Variants in SAMD4A observed in about 807,000 individuals in gnomAD.
SAMD4A encodes protein Smaug homolog 1.
SAMD4A carries 33 observed loss-of-function variants against 81.3 expected under a neutral mutation model. The observed-to-expected ratio is 0.41, with a 90% CI of 0.31 to 0.54. The LOEUF is 0.54. SAMD4A is among the 20% of genes least tolerant of loss of function. SAMD4A has a pLI of 0.37. For synonymous variants in SAMD4A, 389 were observed against 382.1 expected (o/e 1.02, Z -0.21); for missense variants, 854 against 951.1 (o/e 0.90, Z 1.34).
At chr14:54,766,419 T>A (rs2038545016) in intron 8 of SAMD4A, among the ~76,000 whole-genome samples, 1 of 152,106 alleles carries the variant, frequency 6.6e-6, no homozygotes. Context: ...ACAGCCATGA[T>A]GAGAAAGCCT....
chr14:54,574,314 G>GCTCTCCTT (rs2033222454), intron 2 of SAMD4A, among the ~76,000 whole-genome samples: 1 of 152,226 alleles, frequency 6.6e-6, no homozygotes, highest in Admixed American at 6.5e-5. Flanking sequence ...GAACAGCGTG[G>GCTCTCCTT]ATTGGGCAGT....
chr14:54,567,719 C>A lies in SAMD4A; in HGVS notation c.-198C>A. 1 of 559,408 alleles carries A rather than the reference C, an allele frequency of 1.8e-6. No individual in the cohort carries two copies. Among genetic ancestry groups the A allele is most frequent in the Non-Finnish European group, 3.1e-6 (1 of 324,108 alleles). 34.7% of individuals were successfully genotyped at this position (559,408 alleles called of 1,614,324 possible). On this transcript the variant is annotated 5_prime_UTR_variant, in exon 2 of 13. Transcript: ENST00000554335. ...TGTCATCGTCTCTGGGGAAATCAGC[C>A]AGAACCACCGGAACGTAACTGAAAC...
chr14:54,589,984 C>T (rs2033730177), intron 2 of SAMD4A, among the ~76,000 whole-genome samples: 1 of 152,138 alleles, frequency 6.6e-6, no homozygotes, highest in African/African-American at 2.4e-5. Flanking sequence ...ATCTGTTTAT[C>T]ATCCAAACCG....
At chr14:54,664,286 T>G (rs1035338859) in intron 2 of SAMD4A, among the ~76,000 whole-genome samples, 4 of 152,182 alleles carry the variant, frequency 2.6e-5, no homozygotes, top group African/African-American at 9.7e-5. Flanking sequence ...TCTTCAAAGA[T>G]AAGGCATGGC....
chr14:54,594,240 A>T (rs941555156), intron 2 of SAMD4A, among the ~76,000 whole-genome samples: 1 of 152,130 alleles, frequency 6.6e-6, no homozygotes, highest in Non-Finnish European at 1.5e-5. Context: ...AGTGTATATT[A>T]TCTGCATAAG....
chr14:54,637,268 C>T (rs143473367), intron 2 of SAMD4A, among the ~76,000 whole-genome samples: 31 of 147,866 alleles, frequency 2.1e-4, no homozygotes, highest in Admixed American at 1.2e-3. Flanking sequence ...GGGTGGCTGT[C>T]GCAGGAGGAT....
chr14:54,687,643 C>A lies in SAMD4A; in HGVS notation c.197-14419C>A, dbSNP rs752389279. On this transcript the variant is annotated intron_variant, in intron 2 of 12. Coordinates refer to ENST00000554335, the MANE Select transcript of SAMD4A (RefSeq NM_015589.6). ...AACTTTCTATAAAAGGCAGCCAGGT[C>A]CCCTGGACAAGGGGTCAGGAAGCTT... Among the ~76,000 whole-genome samples the A allele has an allele frequency of 1.9e-3, 289 of 152,142 alleles. 2 individuals carry two copies. The highest frequency in any genetic ancestry group is 2.1e-3 in the Non-Finnish European group (143 of 67,980).
At chr14:54,714,826 T>G (rs945734275) in intron 3 of SAMD4A, among the ~76,000 whole-genome samples, 1 of 152,168 alleles carries the variant, frequency 6.6e-6, no homozygotes, top group African/African-American at 2.4e-5. Flanking sequence ...GGGGAAGCCC[T>G]ATGACAAAGC....
rs113491666 is a variant in SAMD4A at position 54,626,059 on chromosome 14, T to TGCGCGC, written c.196+57959_196+57964dup. ...GTGTGTGTGTGTGTGTGTGTGTGTG[T>TGCGCGC]GCGCGCGCGCGCGCGCGAGTGCGCA... On this transcript the variant is annotated intron_variant, in intron 2 of 12. Coordinates refer to ENST00000554335, the MANE Select transcript of SAMD4A (RefSeq NM_015589.6). 1.9e-3 allele frequency among the ~76,000 whole-genome samples: 196 copies of TGCGCGC among 102,100 alleles called. 1 individual carries two copies. The highest frequency in any genetic ancestry group is 5.1e-3 in the East Asian group (19 of 3,692). The allele number at this position is 102,100 out of a possible 152,430, so 67.0% of individuals were successfully genotyped here.
intron 3 of SAMD4A, among the ~76,000 whole-genome samples, chr14:54,733,730 A>G (rs1566609832): frequency 1.3e-5 from 2 of 152,152 alleles, no homozygotes; most frequent in African/African-American, 4.8e-5. Flanking sequence ...AAGCAAGAAC[A>G]TCTAGAAGCC....
chr14:54,567,137 T>G lies in SAMD4A; in HGVS notation c.-623T>G, dbSNP rs1301125470. ...ACCCCCGCGCCCCTTCGCAGCCGCATTGCAAGTTTTCTGCGCGGGGAAGAT... is the reference window on the plus strand; with the variant it reads ...ACCCCCGCGCCCCTTCGCAGCCGCAGTGCAAGTTTTCTGCGCGGGGAAGAT... On this transcript the variant is annotated 5_prime_UTR_variant, in exon 1 of 13. Transcript: ENST00000554335. 1 of 151,992 alleles carries G rather than the reference T, an allele frequency of 6.6e-6. No homozygotes were observed. Among genetic ancestry groups the G allele is most frequent in the East Asian group, 1.9e-4 (1 of 5,162 alleles). 9.4% of individuals were successfully genotyped at this position (151,992 alleles called of 1,614,324 possible).
At chr14:54,770,328 A>G in intron 9 of SAMD4A, 106 bp downstream of exon 9, 1 of 763,464 alleles carries the variant, frequency 1.3e-6, no homozygotes, top group Non-Finnish European at 2.2e-6. Context: ...TTCCTTGTTC[A>G]CGAAGATGCC....
intron 2 of SAMD4A, among the ~76,000 whole-genome samples, chr14:54,628,841 T>G (rs768753411): frequency 3.3e-5 from 5 of 152,190 alleles, no homozygotes; most frequent in Non-Finnish European, 7.4e-5. Context: ...TTCTTCATTC[T>G]CATAGTATTG....
intron 3 of SAMD4A, among the ~76,000 whole-genome samples, chr14:54,721,041 C>T (rs967002416): frequency 3.9e-5 from 6 of 152,110 alleles, no homozygotes; most frequent in Non-Finnish European, 7.4e-5. Context: ...TCTTTGTCCT[C>T]GTGAGTTTGT....
At chr14:54,589,259 G>A (rs950663518) in intron 2 of SAMD4A, among the ~76,000 whole-genome samples, 3 of 152,174 alleles carry the variant, frequency 2.0e-5, no homozygotes, top group African/African-American at 7.2e-5. Flanking sequence ...AGGAATGACT[G>A]GAGATGAGGA....
At chr14:54,719,801 T>C (rs1456462979) in intron 3 of SAMD4A, among the ~76,000 whole-genome samples, 1 of 152,180 alleles carries the variant, frequency 6.6e-6, no homozygotes, top group African/African-American at 2.4e-5. Context: ...CCATAAGCGG[T>C]TGTGAAAGTC....
intron 2 of SAMD4A, among the ~76,000 whole-genome samples, chr14:54,650,429 C>T (rs1414097710): frequency 1.3e-5 from 2 of 152,228 alleles, no homozygotes; most frequent in Non-Finnish European, 2.9e-5. Context: ...TGAAGATCAA[C>T]AGGCATTAAT....
intron 7 of SAMD4A, 128 bp from the exon 8 acceptor site, chr14:54,764,327 T>G (rs1310499975): frequency 1.6e-5 from 11 of 677,098 alleles, no homozygotes; most frequent in Admixed American, 2.7e-5. Context: ...GCCTTTTTTG[T>G]GAGCCTTACA....
chr14:54,617,524 G>C (rs749925174), intron 2 of SAMD4A, among the ~76,000 whole-genome samples: 29 of 151,982 alleles, frequency 1.9e-4, no homozygotes, highest in Non-Finnish European at 3.5e-4. Flanking sequence ...AAGTTGGCCA[G>C]GTCCCTAGTG....
Sources: allele counts gnomAD v4.1 joint callset (sites outside exome capture counted in the v4.1 genomes callset), GRCh38; gene constraint gnomAD v4.1.1; transcripts MANE v1.5; gene names NCBI Gene and HGNC (gene_info 2026-07-23, HGNC 2026-07-21).